The following CCDC88C variants were observed in gnomAD, a reference collection of about 807,000 sequenced individuals.
The protein encoded by CCDC88C is coiled-coil and HOOK domain protein 88C.
Under a neutral mutation model 198.8 loss-of-function variants are expected in CCDC88C, and 131 were observed. The ratio of observed to expected loss-of-function variants is 0.66; its 90% CI spans 0.57 to 0.76. The LOEUF is 0.76. CCDC88C is among the 30% of genes least tolerant of loss of function. The probability of loss-of-function intolerance (pLI) is 0.00; values close to 1 mark genes in which losing one functional copy is unlikely to be tolerated. For synonymous variants in CCDC88C, 1,166 were observed against 1,114.7 expected (o/e 1.05, Z -0.92); for missense variants, 2,553 against 2,631.6 (o/e 0.97, Z 0.65).
rs753664712 is a variant in CCDC88C, at chr14:91,303,893, G to T, written c.3443C>A (p.Thr1148Lys). ...CTGCCTCTGCAGGCTTTCGTTCTCC[G>T]TCTCCTTGGCCGTGTGGTGGTTCTG... is the stretch of plus-strand genomic sequence containing the variant. ...LLQNHHTAKE[T>K]ENESLQRQQE... The change falls in exon 20 of 30, where the codon ACG becomes AAG. Residue 1148 changes from threonine (T) to lysine (K), a missense_variant. This residue lies in a region of CCDC88C where 1,293 missense variants were observed against 1,219.6 expected (regional missense o/e 1.06). Transcript: ENST00000389857. The T allele has an allele frequency of 1.9e-6, 3 of 1,612,754 alleles. No individual in the cohort carries two copies. Among genetic ancestry groups the T allele is most frequent in the South Asian group, 2.2e-5 (2 of 91,094 alleles).
Position 91,321,303 on chromosome 14 carries a change from G to A in CCDC88C, c.1344C>T (p.Ala448=). ...QLSKNADLSD[A]SRKSFVFELN... The stretch of plus-strand genomic sequence containing the variant: ...GCTCAAACACAAACGACTTCCTGGA[G>A]GCTGAAGACAAAGTCCAGTCAGAGC... Residue 448 remains alanine (A), a splice_region_variant and synonymous_variant, in exon 13 of 30, where the codon GCC becomes GCT. Transcript: ENST00000389857. 1 of 1,552,744 alleles carries A rather than the reference G, an allele frequency of 6.4e-7. No homozygotes were observed. The highest frequency in any genetic ancestry group is 8.7e-7 in the Non-Finnish European group (1 of 1,147,892).
intron 2 of CCDC88C, among the ~76,000 whole-genome samples, chr14:91,415,016 G>C (rs762108971): frequency 2.0e-5 from 3 of 152,204 alleles, no homozygotes; most frequent in Non-Finnish European, 4.4e-5. Flanking sequence ...GGAAGAAAGA[G>C]AAACAGTCCC....
Position 91,326,042 on chromosome 14 carries a change from A to T in CCDC88C, c.1065T>A (p.Asp355Glu). Reference sequence around the variant, plus strand: ...CCTTGGTTTCAATTAAAATGATATTATCTTCTCTCAGCTCCTGGTTAGCAA... The same window carrying T: ...CCTTGGTTTCAATTAAAATGATATTTTCTTCTCTCAGCTCCTGGTTAGCAA... Reference protein sequence around the residue: ...YKARMEELREDNIILIETKAM... With the variant: ...YKARMEELREENIILIETKAM... Residue 355 changes from aspartate (D) to glutamate (E), a missense_variant, in exon 11 of 30, where the codon GAT (aspartate) becomes GAA (glutamate). This residue lies in a region of CCDC88C where 1,260 missense variants were observed against 1,412.0 expected (regional missense o/e 0.89). Coordinates refer to ENST00000389857, the MANE Select transcript of CCDC88C (RefSeq NM_001080414.4). 1 of 1,609,386 alleles carries T rather than the reference A, an allele frequency of 6.2e-7. No individual in the cohort carries two copies. The highest frequency in any genetic ancestry group is 1.3e-5 in the African/African-American group (1 of 74,954).
chr14:91,380,599 G>A (rs1278414961), intron 3 of CCDC88C, among the ~76,000 whole-genome samples: 3 of 152,070 alleles, frequency 2.0e-5, no homozygotes, highest in Non-Finnish European at 2.9e-5. Flanking sequence ...GCAAACTCCA[G>A]CATCATGTCA....
chr14:91,411,991 T>C (rs1596175819), intron 2 of CCDC88C, among the ~76,000 whole-genome samples: 1 of 149,760 alleles, frequency 6.7e-6, no homozygotes, highest in South Asian at 2.1e-4. Flanking sequence ...AGAAGAAAGA[T>C]AACCAATTCT....
chr14:91,329,073 A>G (rs1232515441), intron 10 of CCDC88C, among the ~76,000 whole-genome samples: 1 of 152,194 alleles, frequency 6.6e-6, no homozygotes, highest in Non-Finnish European at 1.5e-5. Flanking sequence ...GGGCAGGCAG[A>G]CATCCTACCC....
Position 91,309,861 on chromosome 14 carries a change from G to T in CCDC88C, c.2862C>A (p.Asp954Glu), listed in dbSNP as rs753788040. ...GGAGAGGGAGAAGAGGCCCTCACGT[G>T]TCACTGCCGCTGTCGTCCTCCTGCA... The part of the protein sequence containing the change: ...LLLQEDDSGS[D>E]TKYKILEGRN... The change falls in exon 16 of 30, where the codon GAC becomes GAA. Residue 954 changes from aspartate to glutamate, a missense_variant and splice_region_variant. Transcript: ENST00000389857. 1 of 1,609,888 alleles carries T rather than the reference G, an allele frequency of 6.2e-7. No homozygotes were observed. The highest frequency in any genetic ancestry group is 8.5e-7 in the Non-Finnish European group (1 of 1,176,812).
chr14:91,329,598 A>G (rs1892727024), intron 10 of CCDC88C, among the ~76,000 whole-genome samples: 1 of 151,792 alleles, frequency 6.6e-6, no homozygotes, highest in Non-Finnish European at 1.5e-5. Flanking sequence ...TTCACAGGCA[A>G]GCATCAAGGT....
chr14:91,275,179 G>A lies in CCDC88C; in HGVS notation c.5059-1526C>T, dbSNP rs555062768. On this transcript the variant is annotated intron_variant, in intron 29 of 29. Coordinates refer to ENST00000389857, the MANE Select transcript of CCDC88C (RefSeq NM_001080414.4). ...CCAGGCAGACAGAGGGGGCTGGCTC[G>A]CTGCATGCCAGACATCAGCTTTCAA... 2.0e-5 allele frequency among the ~76,000 whole-genome samples: 3 copies of A among 152,278 alleles called. No homozygotes were observed. In the East Asian group the frequency reaches 5.8e-4, roughly 29 times the overall value.
rs1484816973 is a variant in CCDC88C at position 91,288,225 on chromosome 14, G to A, written c.4441+880C>T. On this transcript the variant is annotated intron_variant, in intron 25 of 29. Transcript: ENST00000389857. This position sits in a 1 kb window ranked among gnomAD's most constrained non-coding sequence, Gnocchi z 4.2. ...GCAGCTTTCATGGCTCCTGAGAGTTGATGAAATACAGCATACATGATGAGA... is the reference window on the plus strand; with the variant it reads ...GCAGCTTTCATGGCTCCTGAGAGTTAATGAAATACAGCATACATGATGAGA... Among the ~76,000 whole-genome samples the A allele has an allele frequency of 6.6e-6, 1 of 152,194 alleles. No individual in the cohort carries two copies. Among genetic ancestry groups the A allele is most frequent in the Non-Finnish European group, 1.5e-5 (1 of 68,044 alleles).
At chr14:91,344,337 T>C (rs898169560) in intron 4 of CCDC88C, among the ~76,000 whole-genome samples, 2 of 152,130 alleles carry the variant, frequency 1.3e-5, no homozygotes, top group African/African-American at 4.8e-5. Context: ...TTCCCCTTTT[T>C]ATTATGCAAA....
intron 23 of CCDC88C, among the ~76,000 whole-genome samples, chr14:91,293,565 A>C (rs1890850686): frequency 1.2e-5 from 1 of 85,730 alleles, no homozygotes; most frequent in African/African-American, 4.8e-5. Flanking sequence ...CTCGCCTGCC[A>C]CGGCCCACCT....
At chr14:91,289,878 G>A (rs960652532) in intron 24 of CCDC88C, among the ~76,000 whole-genome samples, 2 of 152,038 alleles carry the variant, frequency 1.3e-5, no homozygotes, top group Non-Finnish European at 2.9e-5. Flanking sequence ...AACCCTGCCT[G>A]TGCTCTCACC....
chr14:91,342,902 G>A (rs895158791), intron 5 of CCDC88C, among the ~76,000 whole-genome samples: 6 of 152,310 alleles, frequency 3.9e-5, no homozygotes, highest in East Asian at 3.9e-4. Flanking sequence ...CAGCTCTGTC[G>A]CTGTAGTGGC....
rs542983496 is a variant in CCDC88C at position 91,371,444 on chromosome 14, C to T, written c.271-11733G>A. Among the ~76,000 whole-genome samples, 26 of 152,148 alleles carry T rather than the reference C, an allele frequency of 1.7e-4. No homozygotes were observed. The highest frequency in any genetic ancestry group is 3.2e-4 in the Non-Finnish European group (22 of 67,974). On this transcript the variant is annotated intron_variant, in intron 3 of 29. Transcript: ENST00000389857. This position sits in a 1 kb window ranked among gnomAD's most constrained non-coding sequence, Gnocchi z 4.2. The stretch of plus-strand genomic sequence containing the variant: ...GTGGTCCCATGGGAGGAGCCATGTG[C>T]TGTCCAGGCCCAGCCAACCTCACCC...
At chr14:91,279,704 A>C (rs530318279) in intron 27 of CCDC88C, 2 of 164,564 alleles carry the variant, frequency 1.2e-5, no homozygotes, top group African/African-American at 2.4e-5. Context: ...TCTGGAACAC[A>C]TGTGGACAGC....
intron 3 of CCDC88C, among the ~76,000 whole-genome samples, chr14:91,361,511 G>A (rs1348802672): frequency 6.6e-6 from 1 of 152,126 alleles, no homozygotes; most frequent in Non-Finnish European, 1.5e-5. Context: ...TCTTTCTATG[G>A]CTCCTATCCA....
chr14:91,307,902 CTA>C (rs1386615182), intron 17 of CCDC88C, among the ~76,000 whole-genome samples: 12 of 152,242 alleles, frequency 7.9e-5, no homozygotes, highest in African/African-American at 2.9e-4. Flanking sequence ...GAACACACAT[CTA>C]TATGTGTATG....
chr14:91,365,822 A>G (rs549504068), intron 3 of CCDC88C, among the ~76,000 whole-genome samples: 43 of 152,312 alleles, frequency 2.8e-4, no homozygotes, highest in African/African-American at 1.0e-3. Context: ...GCACTCTAAC[A>G]GTCTTGCTGC....
Sources: gnomAD v4.1 joint callset for allele counts (sites outside exome capture counted in the v4.1 genomes callset) on GRCh38, gnomAD v4.1.1 for gene constraint, gnomAD v4.1.1 regional missense constraint, Gnocchi (gnomAD v3.1) non-coding constraint, MANE v1.5 for transcripts, NCBI Gene and HGNC (gene_info 2026-07-23, HGNC 2026-07-21) for gene names.